Variants in DLGAP2 observed in about 807,000 individuals in gnomAD.
The protein encoded by DLGAP2 is disks large-associated protein 2.
DLGAP2 carries 26 observed loss-of-function variants against 100.3 expected under a neutral mutation model. The observed-to-expected ratio is 0.26, with a 90% CI of 0.19 to 0.36. The LOEUF is 0.36. DLGAP2 is among the 10% of genes least tolerant of loss of function. The probability of loss-of-function intolerance (pLI) is 1.00; values close to 1 mark genes in which losing one functional copy is unlikely to be tolerated. For synonymous variants in DLGAP2, 886 were observed against 630.1 expected, an observed-to-expected ratio of 1.41 and a Z score of -6.08; for missense variants, 1,858 against 1,453.2, an observed-to-expected ratio of 1.28 and a Z score of -4.53.
intron 2 of DLGAP2, among the ~76,000 whole-genome samples, chr8:917,127 G>T (rs752702846): frequency 6.6e-6 from 1 of 152,148 alleles, no homozygotes; most frequent in East Asian, 1.9e-4. Flanking sequence ...GTGAAGGGCC[G>T]GGGATAGTAA....
At chr8:1,446,725 C>A (rs1195601346) in intron 3 of DLGAP2, among the ~76,000 whole-genome samples, 6 of 152,174 alleles carry the variant, frequency 3.9e-5, no homozygotes, top group African/African-American at 1.4e-4. Context: ...TACCAATGAT[C>A]ATGGAATGTT....
chr8:1,069,559 C>T (rs535771181), intron 2 of DLGAP2, among the ~76,000 whole-genome samples: 2 of 152,258 alleles, frequency 1.3e-5, no homozygotes, highest in East Asian at 1.9e-4. Flanking sequence ...TCCGAGAGTC[C>T]GAGCTTTACT....
At chr8:1,064,842 C>T (rs1041549891) in intron 2 of DLGAP2, among the ~76,000 whole-genome samples, 1 of 152,206 alleles carries the variant, frequency 6.6e-6, no homozygotes, top group Non-Finnish European at 1.5e-5. Context: ...TCACCCCCCT[C>T]CACCCTGACA....
In DLGAP2 at chr8:1,703,681, G is replaced by A. The variant is rs1312901969; in HGVS notation, c.*2275G>A. On this transcript the variant is annotated 3_prime_UTR_variant, in exon 15 of 15. Coordinates refer to ENST00000637795, the MANE Select transcript of DLGAP2 (RefSeq NM_001346810.2). ...TATACAAAACATAGAAAAGCAAACT[G>A]TTAAAGTAGTCAATAATTATTTGTC... 2 of 152,170 alleles carry A rather than the reference G, an allele frequency of 1.3e-5. No individual in the cohort carries two copies. The highest frequency in any genetic ancestry group is 4.8e-5 in the African/African-American group (2 of 41,440). 9.4% of individuals were successfully genotyped at this position (152,170 alleles called of 1,614,324 possible).
chr8:960,252 T>TTTTTTTTTTTTTTTTTTTTTTTTTG (rs369284313), intron 2 of DLGAP2, among the ~76,000 whole-genome samples: 1 of 142,016 alleles, frequency 7.0e-6, no homozygotes, highest in Non-Finnish European at 1.5e-5. Context: ...TTTTTTTTTT[T>TTTTTTTTTTTTTTTTTTTTTTTTTG]CCCGAGACAC....
intron 2 of DLGAP2, among the ~76,000 whole-genome samples, chr8:926,238 G>T (rs768817568): frequency 8.5e-5 from 13 of 152,170 alleles, no homozygotes; most frequent in Non-Finnish European, 1.3e-4. Context: ...GCTCCTGACT[G>T]CTGACAGCCC....
chr8:1,078,083 C>G (rs1803684179), intron 2 of DLGAP2, among the ~76,000 whole-genome samples: 1 of 152,096 alleles, frequency 6.6e-6, no homozygotes, highest in African/African-American at 2.4e-5. Context: ...ACCTTCTGTC[C>G]CTGGTTTTCC....
At position 763,470 on chromosome 8, in the gene DLGAP2, A is replaced by G. The variant is rs541927940; in HGVS notation, c.18+25645A>G. ...GTTGTTAAAGGAGGAGAACTTATCA[A>G]TGGCATCTTGAATGGGATTTTGTTC... On this transcript the variant is annotated intron_variant, in intron 1 of 14. Transcript: ENST00000637795. 1.5e-4 allele frequency among the ~76,000 whole-genome samples: 23 copies of G among 152,332 alleles called. 1 individual carries two copies. The South Asian group carries it at 4.1e-3, about 27-fold the overall frequency.
At position 816,893 on chromosome 8, in the gene DLGAP2, T is replaced by C. The variant is rs1796490323; in HGVS notation, c.18+79068T>C. ...ACATTTAACACAGTCCCAAACTTCT[T>C]AGAGGCTTTGTTCATATTGAGTGGA... is the stretch of plus-strand genomic sequence containing the variant. On this transcript the variant is annotated intron_variant, in intron 1 of 14. Coordinates refer to ENST00000637795, the MANE Select transcript of DLGAP2 (RefSeq NM_001346810.2). Among the ~76,000 whole-genome samples, 2 of 152,232 alleles carry C rather than the reference T, an allele frequency of 1.3e-5. 1 individual carries two copies. Among genetic ancestry groups the C allele is most frequent in the South Asian group, 4.1e-4 (2 of 4,836 alleles).
chr8:795,007 C>T (rs1053051012), intron 1 of DLGAP2, among the ~76,000 whole-genome samples: 2 of 152,158 alleles, frequency 1.3e-5, no homozygotes, highest in Non-Finnish European at 2.9e-5. Flanking sequence ...TTTTGAGGTC[C>T]TCCATTTAGT....
At chr8:1,051,166 T>G in intron 2 of DLGAP2, among the ~76,000 whole-genome samples, 1 of 152,028 alleles carries the variant, frequency 6.6e-6, no homozygotes, top group East Asian at 1.9e-4. Context: ...AGCAGCTTCT[T>G]CCTGGGCAAC....
intron 3 of DLGAP2, among the ~76,000 whole-genome samples, chr8:1,493,402 G>C (rs531964889): frequency 6.6e-6 from 1 of 152,092 alleles, no homozygotes; most frequent in African/African-American, 2.4e-5. Context: ...TCTGTGGACC[G>C]AGCGCATAGA....
intron 3 of DLGAP2, among the ~76,000 whole-genome samples, chr8:1,470,002 AG>A (rs1444400019): frequency 8.8e-6 from 1 of 113,716 alleles, no homozygotes; most frequent in African/African-American, 3.6e-5. Context: ...AAAAAAAAAA[AG>A]AAAAAAAAAT....
At chr8:1,611,069 G>A (rs1277342441) in intron 6 of DLGAP2, among the ~76,000 whole-genome samples, 21 of 138,224 alleles carry the variant, frequency 1.5e-4, no homozygotes, top group South Asian at 2.6e-4. Context: ...TACCAAAGCC[G>A]GGCAGAGACA....
intron 1 of DLGAP2, among the ~76,000 whole-genome samples, chr8:810,489 C>T (rs1469423509): frequency 1.3e-5 from 2 of 152,148 alleles, no homozygotes; most frequent in Non-Finnish European, 2.9e-5. Context: ...AGCTGTTTGC[C>T]ACCTATTGTT....
intron 2 of DLGAP2, among the ~76,000 whole-genome samples, chr8:928,214 C>T (rs959006080): frequency 1.3e-4 from 20 of 152,268 alleles, no homozygotes; most frequent in Admixed American, 4.6e-4. Flanking sequence ...CGCAGATTTA[C>T]GAGATTTTCC....
At chr8:802,321 G>A (rs1202259857) in intron 1 of DLGAP2, among the ~76,000 whole-genome samples, 1 of 152,260 alleles carries the variant, frequency 6.6e-6, no homozygotes, top group Middle Eastern at 3.2e-3. Flanking sequence ...CACGGCCTGG[G>A]GAATAGTCCG....
intron 2 of DLGAP2, among the ~76,000 whole-genome samples, chr8:1,161,263 G>T (rs1435360390): frequency 6.6e-6 from 1 of 152,074 alleles, no homozygotes; most frequent in African/African-American, 2.4e-5. Flanking sequence ...TACACAAGCT[G>T]ACCACACCAG....
intron 1 of DLGAP2, among the ~76,000 whole-genome samples, chr8:802,940 A>T (rs1796200684): frequency 6.6e-6 from 1 of 152,180 alleles, no homozygotes. Context: ...AATAAAGGAA[A>T]GGTGGGTGGG....
Sources: gnomAD v4.1 joint callset for allele counts (sites outside exome capture counted in the v4.1 genomes callset) on GRCh38, gnomAD v4.1.1 for gene constraint, MANE v1.5 for transcripts, NCBI Gene and HGNC (gene_info 2026-07-23, HGNC 2026-07-21) for gene names.